Variants in KIF1A observed in about 807,000 individuals in gnomAD.
KIF1A encodes kinesin family member 1A, also known as kinesin-like protein KIF1A.
Under a neutral mutation model 227.3 loss-of-function variants are expected in KIF1A, and 46 were observed. The ratio of observed to expected loss-of-function variants is 0.20; its 90% CI spans 0.16 to 0.26. The LOEUF (loss-of-function observed/expected upper bound fraction) is 0.26. Ranked by LOEUF, KIF1A falls within the 10% of genes least tolerant of loss-of-function variation. The probability of loss-of-function intolerance (pLI) is 1.00; values close to 1 mark genes in which losing one functional copy is unlikely to be tolerated. For missense variants in KIF1A, 1,683 were observed against 2,485.9 expected, an observed-to-expected ratio of 0.68 and a Z score of 6.87; for synonymous variants, 1,022 against 1,012.8, an observed-to-expected ratio of 1.01 and a Z score of -0.17.
At chr2:240,722,273 T>C (rs935510778) in intron 43 of KIF1A, among the ~76,000 whole-genome samples, 183 bp downstream of exon 43, 1 of 152,096 alleles carries the variant, frequency 6.6e-6, no homozygotes, top group Non-Finnish European at 1.5e-5. Flanking sequence ...GCACCCAACT[T>C]TCAGTGCAGG....
At chr2:240,815,080 G>T (rs918923176) in intron 1 of KIF1A, among the ~76,000 whole-genome samples, 2 of 152,160 alleles carry the variant, frequency 1.3e-5, no homozygotes, top group African/African-American at 4.8e-5. Context: ...TAGAGCTGCA[G>T]CCCTCCCAGG....
chr2:240,788,360 G>C lies in KIF1A; in HGVS notation c.184-130C>G. The C allele has an allele frequency of 2.6e-6, 2 of 781,226 alleles. No individual in the cohort carries two copies. Among genetic ancestry groups the C allele is most frequent in the Non-Finnish European group, 4.3e-6 (2 of 468,914 alleles). The allele number at this position is 781,226 out of a possible 1,614,324, so 48.4% of individuals were successfully genotyped here. ...GGCAGCACAGTGGGGAGGGATGCCTGCCCCCCATCCTACTCCTGCCTTGTG... is the reference window on the plus strand; with the variant it reads ...GGCAGCACAGTGGGGAGGGATGCCTCCCCCCCATCCTACTCCTGCCTTGTG... On this transcript the variant is annotated intron_variant, in intron 3 of 48. Coordinates refer to ENST00000498729, the MANE Select transcript of KIF1A (RefSeq NM_001244008.2). The surrounding 1 kb of genome is among the most constrained non-coding windows in gnomAD (Gnocchi z 6.6).
At chr2:240,767,392 C>G in intron 17 of KIF1A, 47 bp from the exon 18 acceptor site, 1 of 1,482,344 alleles carries the variant, frequency 6.7e-7, no homozygotes, top group Non-Finnish European at 9.4e-7. Flanking sequence ...GGGCAGGAGC[C>G]TGATGCTGGC....
At chr2:240,782,476 C>G (rs2054187944) in intron 10 of KIF1A, 114 bp downstream of exon 10, 10 of 1,168,266 alleles carry the variant, frequency 8.6e-6, no homozygotes, top group Non-Finnish European at 1.2e-5. Flanking sequence ...CCCACGTCCC[C>G]CATCTCCCAG....
intron 10 of KIF1A, chr2:240,781,640 TCACTC>T: frequency 1.8e-6 from 1 of 560,080 alleles, no homozygotes; most frequent in Admixed American, 6.4e-5. Flanking sequence ...TCCTCACAGT[TCACTC>T]CGCTCCACAC....
rs144429410 is a variant in KIF1A, at chr2:240,807,071, C to CATATAT, written c.-60-9265_-60-9260dup. ...TATTTGCATTTGACCTACACATCCT[C>CATATAT]ATATATATGTGTGTGTGTGTGTGTG... On this transcript the variant is annotated intron_variant, in intron 1 of 48. Transcript: ENST00000498729. Among the ~76,000 whole-genome samples the CATATAT allele has an allele frequency of 2.3e-3, 266 of 115,536 alleles. 3 individuals are homozygous for CATATAT. Among genetic ancestry groups the CATATAT allele is most frequent in the South Asian group, 0.012 (42 of 3,642 alleles). 75.8% of individuals were successfully genotyped at this position (115,536 alleles called of 152,430 possible). A position where few individuals can be genotyped will look rare whatever the true frequency, so the allele number is the denominator to read the frequency against.
Position 240,788,034 on chromosome 2 carries a change from C to CCCCCCCCCCCTGGT in KIF1A, c.363+16_363+17insACCAGGGGGGGGGG. 6.9e-7 allele frequency: 1 copy of CCCCCCCCCCCTGGT among 1,449,060 alleles called. No individual in the cohort carries two copies. Among genetic ancestry groups the CCCCCCCCCCCTGGT allele is most frequent in the Non-Finnish European group, 9.4e-7 (1 of 1,059,098 alleles). The allele number at this position is 1,449,060 out of a possible 1,614,324, so 89.8% of individuals were successfully genotyped here. A position where few individuals can be genotyped will look rare whatever the true frequency, so the allele number is the denominator to read the frequency against. On this transcript the variant is annotated intron_variant, in intron 4 of 48. Coordinates refer to ENST00000498729, the MANE Select transcript of KIF1A (RefSeq NM_001244008.2). The surrounding 1 kb of genome is among the most constrained non-coding windows in gnomAD (Gnocchi z 6.6). Reference sequence around the variant, plus strand: ...CCCATCTGCCAGGGCTGCCCCCGCCCGCCCCCCGCTTCGTGCCTGTGGGAT... The same window carrying CCCCCCCCCCCTGGT: ...CCCATCTGCCAGGGCTGCCCCCGCCCCCCCCCCCCCTGGTGCCCCCCGCTTCGTGCCTGTGGGAT...
At chr2:240,808,503 A>C (rs1007588921) in intron 1 of KIF1A, among the ~76,000 whole-genome samples, 1 of 102,662 alleles carries the variant, frequency 9.7e-6, no homozygotes, top group Non-Finnish European at 2.4e-5. Flanking sequence ...AAAACAAAAA[A>C]AAAAAATTTT....
Position 240,760,692 on chromosome 2 carries a change from G to A in KIF1A, c.2417C>T (p.Thr806Ile). The A allele has an allele frequency of 6.4e-7, 1 of 1,569,322 alleles. No individual in the cohort carries two copies. The highest frequency in any genetic ancestry group is 1.2e-5 in the South Asian group (1 of 84,758). The change falls in exon 25 of 49, where the codon ACC becomes ATC. Residue 806 changes from threonine (T) to isoleucine (I), a missense_variant. Physicochemically the swap from Thr to Ile is moderately conservative, Grantham distance 89. Transcript: ENST00000498729. Reference sequence around the variant, plus strand: ...GAGCTTCTCCAGCGTCCAGTAGTGGGTGGCCCCGTTCTTCTGGTCCTGGAC... The same window carrying A: ...GAGCTTCTCCAGCGTCCAGTAGTGGATGGCCCCGTTCTTCTGGTCCTGGAC... Reference protein sequence around the residue: ...VEVQDQKNGATHYWTLEKLRQ... With the variant: ...VEVQDQKNGAIHYWTLEKLRQ...
At chr2:240,722,710 G>A in intron 42 of KIF1A, 54 bp from the exon 43 acceptor site, 6 of 1,382,568 alleles carry the variant, frequency 4.3e-6, no homozygotes, top group Non-Finnish European at 5.8e-6. Flanking sequence ...GACCTCCGGA[G>A]TTGTGCTCAG....
At chr2:240,769,376 C>T (rs2051628559) in intron 16 of KIF1A, among the ~76,000 whole-genome samples, 168 bp from the exon 17 acceptor site, 1 of 152,240 alleles carries the variant, frequency 6.6e-6, no homozygotes, top group Non-Finnish European at 1.5e-5. Context: ...TGGGACTGGC[C>T]CCTCTGCACC....
At chr2:240,791,469 GGTCGGGCTCCCCGC>G (rs1430971910) in intron 2 of KIF1A, among the ~76,000 whole-genome samples, 1 of 67,944 alleles carries the variant, frequency 1.5e-5, no homozygotes, top group Non-Finnish European at 3.0e-5. Flanking sequence ...GCTGCACTCA[GGTCGGGCTCCCCGC>G]ACAGGCCTGG....
At chr2:240,802,819 G>A (rs892168493) in intron 1 of KIF1A, among the ~76,000 whole-genome samples, 1 of 152,062 alleles carries the variant, frequency 6.6e-6, no homozygotes, top group African/African-American at 2.4e-5. Context: ...TTGTAGGGAT[G>A]GGGTTTCACT....
chr2:240,767,914 T>G lies in KIF1A; in HGVS notation c.1498-569A>C, dbSNP rs2051412419. On this transcript the variant is annotated intron_variant, in intron 17 of 48. Transcript: ENST00000498729. ...GAAGCAGTTGTGAAGGGATCCTTGA[T>G]GAGCCACCTGAGGCACCCCCATGCA... 2.0e-5 allele frequency among the ~76,000 whole-genome samples: 3 copies of G among 152,350 alleles called. No homozygotes were observed. In the South Asian group the frequency reaches 6.2e-4, roughly 32 times the overall value.
At chr2:240,808,736 C>CT (rs199928318) in intron 1 of KIF1A, among the ~76,000 whole-genome samples, 58 of 147,794 alleles carry the variant, frequency 3.9e-4, no homozygotes, top group African/African-American at 3.7e-4. Context: ...ATGTCACTAA[C>CT]TTTTTTTTTT....
intron 10 of KIF1A, among the ~76,000 whole-genome samples, chr2:240,779,710 A>ACAGTTCCTCACT (rs1553636767): frequency 6.3e-5 from 9 of 143,778 alleles, no homozygotes; most frequent in African/African-American, 2.4e-4. Context: ...TCAGTTCCTC[A>ACAGTTCCTCACT]CAGTTCCTCA....
rs1431242315 is a variant in KIF1A at position 240,778,492 on chromosome 2, C to T, written c.883-2566G>A. On this transcript the variant is annotated intron_variant, in intron 10 of 48. Transcript: ENST00000498729. This position sits in a 1 kb window ranked among gnomAD's most constrained non-coding sequence, Gnocchi z 7.2. The stretch of plus-strand genomic sequence containing the variant: ...TTTCTCAGAGCTCTCAGCAGGCGCT[C>T]GCAGCTCCCGCACAGCGTTACACAC... 7.6e-6 allele frequency among the ~76,000 whole-genome samples: 1 copy of T among 130,978 alleles called. No individual in the cohort carries two copies. The highest frequency in any genetic ancestry group is 3.2e-5 in the African/African-American group (1 of 31,168). 85.9% of individuals were successfully genotyped at this position (130,978 alleles called of 152,430 possible). A position where few individuals can be genotyped will look rare whatever the true frequency, so the allele number is the denominator to read the frequency against.
Position 240,778,904 on chromosome 2 carries a change from C to T in KIF1A, c.883-2978G>A, listed in dbSNP as rs1001473013. Among the ~76,000 whole-genome samples, 1 of 152,142 alleles carries T rather than the reference C, an allele frequency of 6.6e-6. No individual in the cohort carries two copies. The highest frequency in any genetic ancestry group is 1.5e-5 in the Non-Finnish European group (1 of 68,032). On this transcript the variant is annotated intron_variant, in intron 10 of 48. Coordinates refer to ENST00000498729, the MANE Select transcript of KIF1A (RefSeq NM_001244008.2). This position sits in a 1 kb window ranked among gnomAD's most constrained non-coding sequence, Gnocchi z 7.2. The stretch of plus-strand genomic sequence containing the variant: ...CCCAATGCGGGTGCACACACACTTT[C>T]CACACACTTCCTCAGGCCATTCGCC...
chr2:240,734,631 G>C (rs2047111072), intron 38 of KIF1A: 1 of 984,548 alleles, frequency 1.0e-6, no homozygotes, highest in South Asian at 1.3e-5. Flanking sequence ...TAACTTCTCA[G>C]GGGCATGGGG....
Sources: allele counts gnomAD v4.1 joint callset (sites outside exome capture counted in the v4.1 genomes callset), GRCh38; gene constraint gnomAD v4.1.1; non-coding constraint Gnocchi (gnomAD v3.1); transcripts MANE v1.5; gene names NCBI Gene and HGNC (gene_info 2026-07-23, HGNC 2026-07-21).